TBC1D21: variants seen among roughly 807,000 people sequenced by gnomAD.
TBC1D21 encodes male germ cell Rab GTPase-activating protein.
TBC1D21 carries 38 observed loss-of-function variants against 46.0 expected under a neutral mutation model. That is an observed-to-expected ratio of 0.83 (90% CI 0.64 to 1.08). The LOEUF (loss-of-function observed/expected upper bound fraction) is 1.08. Ranked by LOEUF, TBC1D21 falls within the 50% of genes least tolerant of loss-of-function variation. TBC1D21 has a pLI of 0.00. For synonymous variants in TBC1D21, 151 were observed against 157.2 expected, an observed-to-expected ratio of 0.96 and a Z score of 0.29; for missense variants, 415 against 417.9, an observed-to-expected ratio of 0.99 and a Z score of 0.06.
chr15:73,891,464 G>A (rs530943011), downstream of TBC1D21, among the ~76,000 whole-genome samples: 190 of 152,294 alleles, frequency 1.2e-3, 2 homozygotes, highest in African/African-American at 4.1e-3. Context: ...ATGCTCCATG[G>A]AGCCAGTGGG....
downstream of TBC1D21, among the ~76,000 whole-genome samples, chr15:73,889,498 T>C (rs1211245075): frequency 6.6e-6 from 1 of 152,200 alleles, no homozygotes; most frequent in Non-Finnish European, 1.5e-5. Flanking sequence ...TAATAAGGAT[T>C]AGTTCATCTG....
At chr15:73,905,402 A>C in the TBC1D21 span, among the ~76,000 whole-genome samples, 24 of 152,196 alleles carry the variant, frequency 1.6e-4, no homozygotes, top group Admixed American at 1.6e-3. Context: ...AATCAACCTG[A>C]GAAAGGGATG....
At chr15:73,903,224 C>G in the TBC1D21 span, among the ~76,000 whole-genome samples, 3 of 152,220 alleles carry the variant, frequency 2.0e-5, no homozygotes, top group Non-Finnish European at 2.9e-5. Flanking sequence ...AGGCTGCTGC[C>G]GCCTCCTGTC....
At chr15:73,884,122 C>A (rs774508194) in intron 3 of TBC1D21, 29 bp from the exon 4 acceptor site, 1 of 1,596,040 alleles carries the variant, frequency 6.3e-7, no homozygotes, top group South Asian at 1.1e-5. Context: ...GAAAAGCCAC[C>A]TTGTTCAGCC....
the TBC1D21 span, among the ~76,000 whole-genome samples, chr15:73,903,844 C>G: frequency 3.9e-5 from 6 of 152,054 alleles, no homozygotes; most frequent in African/African-American, 1.4e-4. Context: ...GTGAGGAGTT[C>G]GAGACTGGCC....
chr15:73,897,856 C>T, the TBC1D21 span, among the ~76,000 whole-genome samples: 15 of 152,334 alleles, frequency 9.8e-5, no homozygotes, highest in Middle Eastern at 3.4e-3. Flanking sequence ...AGGGGAGCCT[C>T]GGGTTTCCCC....
chr15:73,892,742 G>C (rs770119979), downstream of TBC1D21, among the ~76,000 whole-genome samples: 4 of 152,248 alleles, frequency 2.6e-5, no homozygotes, highest in Non-Finnish European at 4.4e-5. Flanking sequence ...CCGAATGCCT[G>C]CCAGGCTGAG....
At chr15:73,886,383 GA>G (rs1260512093) in intron 7 of TBC1D21, 128 bp from the exon 8 acceptor site, 8 of 944,536 alleles carry the variant, frequency 8.5e-6, no homozygotes, top group Non-Finnish European at 1.3e-5. Context: ...AGGGCAGCTG[GA>G]AAAGGGGCGG....
intron 9 of TBC1D21, 109 bp downstream of exon 9, chr15:73,887,845 C>T: frequency 1.2e-6 from 1 of 842,062 alleles, no homozygotes; most frequent in Non-Finnish European, 1.9e-6. Flanking sequence ...ACCAGTGCCA[C>T]CTTTTCCCCC....
intron 1 of TBC1D21, among the ~76,000 whole-genome samples, chr15:73,878,883 G>A (rs1166966077): frequency 6.6e-6 from 1 of 152,184 alleles, no homozygotes; most frequent in Non-Finnish European, 1.5e-5. Context: ...TGCATGCTGA[G>A]TGTTGCAGTT....
At position 73,884,948 on chromosome 15, in the gene TBC1D21, A is replaced by G. The variant is rs2068216637; in HGVS notation, c.479-55A>G. ...CCCAGGACCTGGCCCAACCTAAGCC[A>G]AGGGTCCAGGCTCTCCCACCCAGCC... is the stretch of plus-strand genomic sequence containing the variant. On this transcript the variant is annotated intron_variant, in intron 5 of 10. Transcript: ENST00000300504. The G allele has an allele frequency of 1.0e-5, 16 of 1,607,474 alleles. 1 individual carries two copies. The Middle Eastern group carries it at 4.9e-4, about 50-fold the overall frequency.
At chr15:73,892,771 A>G (rs2068347309), downstream of TBC1D21, among the ~76,000 whole-genome samples, 1 of 152,278 alleles carries the variant, frequency 6.6e-6, no homozygotes, top group Non-Finnish European at 1.5e-5. Context: ...CAAGCCCAGT[A>G]GGCCCGAGCA....
At chr15:73,890,833 T>C (rs1210792211), downstream of TBC1D21, among the ~76,000 whole-genome samples, 1 of 152,154 alleles carries the variant, frequency 6.6e-6, no homozygotes, top group African/African-American at 2.4e-5. Flanking sequence ...GCGGATGAAG[T>C]TTGGGTGCAG....
At position 73,884,909 on chromosome 15, in the gene TBC1D21, C is replaced by T. The variant is rs35697698; in HGVS notation, c.478+18C>T. On this transcript the variant is annotated intron_variant, in intron 5 of 10. Coordinates refer to ENST00000300504, the MANE Select transcript of TBC1D21 (RefSeq NM_153356.3). ...GCAGGCAGGTGAGCCTCAGCCTCCC[C>T]TTGTCAATGCCCTCCCAGGACCTGG... 228,973 of 1,611,978 alleles carry T rather than the reference C, an allele frequency of 0.14. 18,301 individuals carry two copies. Among genetic ancestry groups the T allele is most frequent in the Non-Finnish European group, 0.16 (193,244 of 1,178,276 alleles).
chr15:73,876,218 T>C (rs1233286749), intron 1 of TBC1D21, among the ~76,000 whole-genome samples: 1 of 43,072 alleles, frequency 2.3e-5, no homozygotes, highest in African/African-American at 1.6e-4. Context: ...TTTTTTTTTT[T>C]TTTTTTTTTT....
chr15:73,877,808 A>T (rs1162096591), intron 1 of TBC1D21, among the ~76,000 whole-genome samples: 1 of 152,246 alleles, frequency 6.6e-6, no homozygotes, highest in Non-Finnish European at 1.5e-5. Context: ...AACTCAAAAA[A>T]AGAAAACCAT....
chr15:73,878,391 CAT>C (rs972809469), intron 1 of TBC1D21, among the ~76,000 whole-genome samples: 2 of 152,142 alleles, frequency 1.3e-5, no homozygotes, highest in Non-Finnish European at 2.9e-5. Flanking sequence ...TCAAAAATCC[CAT>C]GGAATCCACA....
At chr15:73,902,728 A>T in the TBC1D21 span, among the ~76,000 whole-genome samples, 1 of 152,206 alleles carries the variant, frequency 6.6e-6, no homozygotes, top group Non-Finnish European at 1.5e-5. Context: ...GAGAGCAGAG[A>T]CCTTCTCTGC....
chr15:73,884,857 C>T lies in TBC1D21; in HGVS notation c.444C>T (p.Ile148=). ...TCGACAAGAAGAGGCTAGAGAAGAT[C>T]CTGCTCCTGAGTTACGTCTGCAACA... is the stretch of plus-strand genomic sequence containing the variant. ...VLIDKKRLEK[I]LLLSYVCNTQ... Residue 148 remains isoleucine, a synonymous_variant, in exon 5 of 11, where the codon ATC becomes ATT. Coordinates refer to ENST00000300504, the MANE Select transcript of TBC1D21 (RefSeq NM_153356.3). The T allele has an allele frequency of 1.2e-6, 2 of 1,614,142 alleles. No individual in the cohort carries two copies. The highest frequency in any genetic ancestry group is 3.3e-4 in the Middle Eastern group (2 of 6,060).
Sources: allele counts gnomAD v4.1 joint callset (sites outside exome capture counted in the v4.1 genomes callset), GRCh38; gene constraint gnomAD v4.1.1; transcripts MANE v1.5; gene names NCBI Gene and HGNC (gene_info 2026-07-23, HGNC 2026-07-21).